SYNE1: variants seen among roughly 807,000 people sequenced by gnomAD.
SYNE1 encodes nesprin-1.
SYNE1 carries 616 observed loss-of-function variants against 1,111.0 expected under a neutral mutation model. That is an observed-to-expected ratio of 0.55 (90% CI 0.52 to 0.59). The LOEUF (loss-of-function observed/expected upper bound fraction) is 0.59, where lower values mean the gene tolerates loss of function less well. Among genes scored for constraint, SYNE1 ranks in the 20% least tolerant of loss-of-function variants. SYNE1 has a pLI of 0.00. For synonymous variants in SYNE1, 3,855 were observed against 3,825.8 expected (o/e 1.01, Z -0.28); for missense variants, 10,006 against 10,417.0 (o/e 0.96, Z 1.72).
intron 78 of SYNE1, among the ~76,000 whole-genome samples, chr6:152,328,380 T>TTTTATTTTTTTTA (rs374503996): frequency 0.013 from 1,824 of 137,504 alleles, 35 homozygotes; most frequent in African/African-American, 0.049. Context: ...TCTTATTTTA[T>TTTTATTTTTTTTA]TTTATTTATT....
In SYNE1 at chr6:152,155,917, T is replaced by C; in HGVS notation, c.23971A>G (p.Arg7991Gly). The C allele has an allele frequency of 6.2e-7, 1 of 1,614,046 alleles. No homozygotes were observed. Among genetic ancestry groups the C allele is most frequent in the Non-Finnish European group, 8.5e-7 (1 of 1,179,994 alleles). ...TTCAGCATCCCAGCTCACTTCAGCC[T>C]CCTTTCCATGGACATAGCACAAATG... The part of the protein sequence containing the change: ...RNICAMSMER[R>G]LKIEETWRLW... The change falls in exon 132 of 146, where the codon AGG becomes GGG. Residue 7991 changes from arginine to glycine, a missense_variant. Arg to Gly is a moderately radical substitution (Grantham distance 125). Transcript: ENST00000367255.
Position 152,625,762 on chromosome 6 carries a change from T to G in SYNE1, c.67+2503A>C, listed in dbSNP as rs143984695. Among the ~76,000 whole-genome samples the G allele has an allele frequency of 1.8e-4, 28 of 152,206 alleles. No individual in the cohort carries two copies. In the East Asian group the frequency reaches 5.4e-3, roughly 29 times the overall value. ...ATTAACATTCCTCCAAAAATCCGGA[T>G]AGTTAGAAAAATTTGCAGGAAAAAA... On this transcript the variant is annotated intron_variant, in intron 3 of 145. Transcript: ENST00000367255.
chr6:152,350,632 A>G lies in SYNE1; in HGVS notation c.11719T>C (p.Cys3907Arg). ...TCTCTCCTTACCTTTCCTATGCTGC[A>G]CAGGTCCTGGTAATCACTTTGAAGT... Reference protein sequence around the residue: ...DQLQSDYQDLCSIGKEHVFSL... With the variant: ...DQLQSDYQDLRSIGKEHVFSL... Residue 3907 changes from cysteine to arginine, a missense_variant, in exon 71 of 146, where the codon TGC (cysteine) becomes CGC (arginine). Around this residue, in one of 7 missense-constraint regions of SYNE1, gnomAD observed 4,955 missense variants for 5,017.2 expected, o/e 0.99. Coordinates refer to ENST00000367255, the MANE Select transcript of SYNE1 (RefSeq NM_182961.4). 6.2e-7 allele frequency: 1 copy of G among 1,614,162 alleles called. No individual in the cohort carries two copies. Among genetic ancestry groups the G allele is most frequent in the Non-Finnish European group, 8.5e-7 (1 of 1,180,028 alleles).
chr6:152,239,519 A>G lies in SYNE1; in HGVS notation c.20067+14T>C. Reference sequence around the variant, plus strand: ...AAGTTTGCAGCACAGAAGATATGACATCAATGGTCTCACCTCTAGAATGTA... The same window carrying G: ...AAGTTTGCAGCACAGAAGATATGACGTCAATGGTCTCACCTCTAGAATGTA... On this transcript the variant is annotated intron_variant, in intron 108 of 145. Coordinates refer to ENST00000367255, the MANE Select transcript of SYNE1 (RefSeq NM_182961.4). The G allele has an allele frequency of 6.2e-7, 1 of 1,614,140 alleles. No homozygotes were observed. Among genetic ancestry groups the G allele is most frequent in the Non-Finnish European group, 8.5e-7 (1 of 1,180,012 alleles).
At chr6:152,566,840 G>T (rs2099415154) in intron 3 of SYNE1, among the ~76,000 whole-genome samples, 1 of 152,048 alleles carries the variant, frequency 6.6e-6, no homozygotes, top group Non-Finnish European at 1.5e-5. Flanking sequence ...TTGTGGCACT[G>T]CCAAGCATCT....
chr6:152,568,226 G>A (rs1365109198), intron 3 of SYNE1, among the ~76,000 whole-genome samples: 1 of 149,610 alleles, frequency 6.7e-6, no homozygotes, highest in Non-Finnish European at 1.5e-5. Context: ...AAACATAAAG[G>A]CAAAGAGTAT....
chr6:152,371,832 G>T (rs1252206983), intron 59 of SYNE1, among the ~76,000 whole-genome samples: 3 of 65,340 alleles, frequency 4.6e-5, no homozygotes. Context: ...GGAAAGGACA[G>T]GACAGGACAG....
chr6:152,601,755 G>T (rs1230591824), intron 3 of SYNE1, among the ~76,000 whole-genome samples: 2 of 152,192 alleles, frequency 1.3e-5, no homozygotes, highest in Non-Finnish European at 2.9e-5. Flanking sequence ...AAGTGTCATT[G>T]AGAGGACTGG....
Position 152,323,504 on chromosome 6 carries a change from G to T in SYNE1, c.15891C>A (p.Ile5297=), listed in dbSNP as rs775026705. Residue 5297 remains isoleucine, a synonymous_variant, in exon 82 of 146, where the codon ATC becomes ATA. Transcript: ENST00000367255. ...PGEEPPLMQE[I]TAMQDRCLNM... The stretch of plus-strand genomic sequence containing the variant: ...TCAGGCACCGATCTTGCATGGCGGT[G>T]ATTTCCTGCATGAGCGGAGGCTCTT... 7 of 1,614,034 alleles carry T rather than the reference G, an allele frequency of 4.3e-6. No homozygotes were observed. In the East Asian group the frequency reaches 1.3e-4, roughly 31 times the overall value.
chr6:152,449,699 A>AGAAAACATATTC, intron 27 of SYNE1, 58 bp from the exon 28 acceptor site: 1 of 1,315,038 alleles, frequency 7.6e-7, no homozygotes, highest in Non-Finnish European at 1.1e-6. Context: ...TGATCAGAAT[A>AGAAAACATATTC]TGTTTTCTAT....
intron 14 of SYNE1, chr6:152,472,771 A>C: frequency 1.6e-6 from 1 of 625,342 alleles, no homozygotes; most frequent in Non-Finnish European, 2.8e-6. Context: ...GGTTTTTAAA[A>C]GCTTAAAACT....
At chr6:152,520,908 T>C (rs1309561715) in intron 5 of SYNE1, among the ~76,000 whole-genome samples, 5 of 152,158 alleles carry the variant, frequency 3.3e-5, no homozygotes, top group Admixed American at 1.3e-4. Context: ...TTTTTAAAAA[T>C]GTAAAACACA....
intron 141 of SYNE1, among the ~76,000 whole-genome samples, chr6:152,135,451 GA>G (rs1358149430): frequency 6.6e-6 from 1 of 152,186 alleles, no homozygotes; most frequent in Non-Finnish European, 1.5e-5. Context: ...CAATTTAGAC[GA>G]AAGGAAAACT....
intron 125 of SYNE1, among the ~76,000 whole-genome samples, chr6:152,206,734 G>A (rs1238202447): frequency 6.6e-6 from 1 of 152,086 alleles, no homozygotes; most frequent in African/African-American, 2.4e-5. Flanking sequence ...GACCTGGTGC[G>A]GTGAGATGAG....
chr6:152,369,430 A>G, intron 60 of SYNE1, 41 bp downstream of exon 60: 1 of 1,613,956 alleles, frequency 6.2e-7, no homozygotes, highest in Non-Finnish European at 8.5e-7. Flanking sequence ...GGACGGACAA[A>G]GACTAGGTCA....
intron 3 of SYNE1, among the ~76,000 whole-genome samples, chr6:152,591,132 C>A (rs1439591525): frequency 1.3e-5 from 2 of 152,096 alleles, no homozygotes; most frequent in East Asian, 1.9e-4. Flanking sequence ...CTGGGTATTT[C>A]ATTTTCTTTG....
At chr6:152,236,034 C>T (rs1241450203) in intron 110 of SYNE1, 73 bp downstream of exon 110, 19 of 1,512,078 alleles carry the variant, frequency 1.3e-5, no homozygotes, top group East Asian at 1.1e-4. Context: ...GAGCCATCAT[C>T]CCCCACCCGC....
chr6:152,127,899 C>A (rs540471165), intron 145 of SYNE1: 18 of 152,206 alleles, frequency 1.2e-4, no homozygotes, highest in African/African-American at 4.3e-4. Flanking sequence ...GGGCTTTTTT[C>A]CCTCTTTCAG....
chr6:152,239,529 T>C lies in SYNE1; in HGVS notation c.20067+4A>G, dbSNP rs1274315205. 6.2e-7 allele frequency: 1 copy of C among 1,614,178 alleles called. No individual in the cohort carries two copies. Among genetic ancestry groups the C allele is most frequent in the Non-Finnish European group, 8.5e-7 (1 of 1,180,022 alleles). ...CACAGAAGATATGACATCAATGGTC[T>C]CACCTCTAGAATGTACTCCAGCTCC... On this transcript the variant is annotated splice_donor_region_variant and intron_variant, in intron 108 of 145. Transcript: ENST00000367255.
Sources: gnomAD v4.1 joint callset for allele counts (sites outside exome capture counted in the v4.1 genomes callset) on GRCh38, gnomAD v4.1.1 for gene constraint, gnomAD v4.1.1 regional missense constraint, MANE v1.5 for transcripts, NCBI Gene and HGNC (gene_info 2026-07-23, HGNC 2026-07-21) for gene names.